Variants in STK32B observed in about 807,000 individuals in gnomAD.
The protein encoded by STK32B is serine/threonine-protein kinase 32B.
STK32B carries 43 observed loss-of-function variants against 52.6 expected under a neutral mutation model. The ratio of observed to expected loss-of-function variants is 0.82; its 90% CI spans 0.64 to 1.05. STK32B has a LOEUF of 1.05. Among genes scored for constraint, STK32B ranks in the 50% least tolerant of loss-of-function variants. The pLI, the probability that STK32B is intolerant of heterozygous loss-of-function variation, is 0.00. For synonymous variants in STK32B, 238 were observed against 204.3 expected, an observed-to-expected ratio of 1.17 and a Z score of -1.41; for missense variants, 621 against 534.6, an observed-to-expected ratio of 1.16 and a Z score of -1.59.
At chr4:5,319,417 C>G (rs147750466) in intron 3 of STK32B, among the ~76,000 whole-genome samples, 2,048 of 152,304 alleles carry the variant, frequency 0.013, 20 homozygotes, top group Middle Eastern at 0.024. Context: ...AGCAGCTGTT[C>G]CAAAACTCAA....
chr4:5,455,291 G>A (rs16837278), intron 7 of STK32B, among the ~76,000 whole-genome samples: 8,609 of 152,298 alleles, frequency 0.057, 460 homozygotes, highest in African/African-American at 0.14. Context: ...TTGGAGCCAG[G>A]ACCTTAAGTG....
At chr4:5,145,904 G>A (rs55767727) in intron 2 of STK32B, among the ~76,000 whole-genome samples, 6,484 of 152,200 alleles carry the variant, frequency 0.043, 417 homozygotes, top group African/African-American at 0.14. Flanking sequence ...ATTTGTATAA[G>A]AAAACCTGGC....
At chr4:5,151,085 A>G (rs368168478) in intron 2 of STK32B, among the ~76,000 whole-genome samples, 1 of 152,282 alleles carries the variant, frequency 6.6e-6, no homozygotes, top group African/African-American at 2.4e-5. Context: ...TGAAAATTTA[A>G]TGGATCTTTT....
chr4:5,333,148 C>G (rs1365302840), intron 4 of STK32B, among the ~76,000 whole-genome samples: 2 of 152,020 alleles, frequency 1.3e-5, no homozygotes, highest in African/African-American at 4.8e-5. Context: ...CACATCCTCT[C>G]CAGCACCTGT....
the STK32B span, among the ~76,000 whole-genome samples, chr4:5,041,959 C>T: frequency 6.6e-6 from 1 of 152,140 alleles, no homozygotes; most frequent in East Asian, 1.9e-4. Context: ...GCAGACTCTA[C>T]AAAATGGCTT....
chr4:5,117,002 C>A (rs570558131), intron 1 of STK32B, among the ~76,000 whole-genome samples: 1 of 152,130 alleles, frequency 6.6e-6, no homozygotes, highest in Admixed American at 6.6e-5. Flanking sequence ...TTGTATCCTG[C>A]AACTTTACGG....
At chr4:5,248,229 C>G (rs1047257414) in intron 3 of STK32B, among the ~76,000 whole-genome samples, 2 of 152,182 alleles carry the variant, frequency 1.3e-5, no homozygotes, top group Non-Finnish European at 2.9e-5. Flanking sequence ...GGAGCTGGAA[C>G]TCAGAGGCCT....
In STK32B at chr4:5,062,045, C is replaced by T. The variant is rs183335391; in HGVS notation, c.52+10130C>T. Reference sequence around the variant, plus strand: ...CAGTTTTACTTAGCAGGAAGGTTGACCAAAAATATTCCAGTCCACCAGAAG... The same window carrying T: ...CAGTTTTACTTAGCAGGAAGGTTGATCAAAAATATTCCAGTCCACCAGAAG... On this transcript the variant is annotated intron_variant, in intron 1 of 11. Coordinates refer to ENST00000282908, the MANE Select transcript of STK32B (RefSeq NM_018401.3). Among the ~76,000 whole-genome samples, 572 of 152,272 alleles carry T rather than the reference C, an allele frequency of 3.8e-3. 3 individuals are homozygous for T. Among genetic ancestry groups the T allele is most frequent in the African/African-American group, 0.013 (541 of 41,552 alleles).
At chr4:5,199,820 G>A (rs928260563) in intron 3 of STK32B, among the ~76,000 whole-genome samples, 3 of 149,922 alleles carry the variant, frequency 2.0e-5, no homozygotes, top group African/African-American at 7.4e-5. Context: ...CTGCTCGTCT[G>A]TGAAGCCTTC....
At chr4:5,484,543 G>A (rs553041748) in intron 11 of STK32B, among the ~76,000 whole-genome samples, 22 of 152,220 alleles carry the variant, frequency 1.4e-4, no homozygotes, top group African/African-American at 4.3e-4. Context: ...TCTTTATCCA[G>A]TTTGCCAGTC....
chr4:5,245,713 G>C (rs1369027139), intron 3 of STK32B, among the ~76,000 whole-genome samples: 1 of 152,174 alleles, frequency 6.6e-6, no homozygotes, highest in Non-Finnish European at 1.5e-5. Context: ...GCTGGTACCA[G>C]TTGTTCCTTT....
intron 3 of STK32B, among the ~76,000 whole-genome samples, chr4:5,171,952 C>A (rs1024464597): frequency 6.6e-6 from 1 of 151,674 alleles, no homozygotes; most frequent in African/African-American, 2.4e-5. Context: ...ATGGAATGTT[C>A]TTCCATTTGT....
At chr4:5,147,327 A>G (rs1318404573) in intron 2 of STK32B, among the ~76,000 whole-genome samples, 2 of 151,320 alleles carry the variant, frequency 1.3e-5, no homozygotes, top group African/African-American at 4.9e-5. Flanking sequence ...TAGTTGTGAT[A>G]GTTGTTTTGT....
chr4:5,498,823 C>T, intron 11 of STK32B, 122 bp from the exon 12 acceptor site: 1 of 1,375,956 alleles, frequency 7.3e-7, no homozygotes, highest in Non-Finnish European at 9.6e-7. Flanking sequence ...GATCAATCTT[C>T]CCAGGTAGGG....
rs1170944555 is a variant in STK32B at position 5,064,406 on chromosome 4, TATA to T, written c.52+12495_52+12497del. On this transcript the variant is annotated intron_variant, in intron 1 of 11. Transcript: ENST00000282908. ...ATATATAAATATATACTTATATACA[TATA>T]ATATATAAATATATACTTATATACA... 1.7e-3 allele frequency among the ~76,000 whole-genome samples: 207 copies of T among 123,970 alleles called. 11 individuals carry two copies. The highest frequency in any genetic ancestry group is 0.01 in the Middle Eastern group (1 of 96). 81.3% of individuals were successfully genotyped at this position (123,970 alleles called of 152,430 possible).
intron 11 of STK32B, among the ~76,000 whole-genome samples, chr4:5,496,040 T>G (rs1468676749): frequency 6.6e-6 from 1 of 152,226 alleles, no homozygotes; most frequent in Non-Finnish European, 1.5e-5. Context: ...GGGACCCACT[T>G]GAGGAGGCAG....
chr4:5,185,031 C>T (rs369018078), intron 3 of STK32B, among the ~76,000 whole-genome samples: 2 of 152,216 alleles, frequency 1.3e-5, no homozygotes, highest in Non-Finnish European at 2.9e-5. Context: ...CGTGTTCTCT[C>T]CTTCTCCTCC....
At chr4:5,216,773 G>A (rs1560232736) in intron 3 of STK32B, among the ~76,000 whole-genome samples, 1 of 152,178 alleles carries the variant, frequency 6.6e-6, no homozygotes, top group Non-Finnish European at 1.5e-5. Context: ...CAGGTTAATA[G>A]GAAGCCATTA....
the STK32B span, among the ~76,000 whole-genome samples, chr4:5,033,273 C>T: frequency 2.0e-5 from 3 of 152,156 alleles, no homozygotes; most frequent in South Asian, 2.1e-4. Context: ...AGCTGCAGCA[C>T]GGTCACCATA....
Sources: gnomAD v4.1 joint callset for allele counts (sites outside exome capture counted in the v4.1 genomes callset) on GRCh38, gnomAD v4.1.1 for gene constraint, MANE v1.5 for transcripts, NCBI Gene and HGNC (gene_info 2026-07-23, HGNC 2026-07-21) for gene names.